Variants in TENM4 observed in about 807,000 individuals in gnomAD.
TENM4 encodes the protein teneurin-4.
TENM4 carries 82 observed loss-of-function variants against 243.3 expected under a neutral mutation model. That is an observed-to-expected ratio of 0.34 (90% CI 0.28 to 0.40). TENM4 has a LOEUF of 0.40. Among genes scored for constraint, TENM4 ranks in the 10% least tolerant of loss-of-function variants. TENM4 has a pLI of 1.00. For missense variants in TENM4, 3,138 were observed against 3,673.3 expected (o/e 0.85, Z 3.77); for synonymous variants, 1,412 against 1,456.3 (o/e 0.97, Z 0.69).
chr11:79,154,296 G>T (rs561874009), intron 3 of TENM4, among the ~76,000 whole-genome samples: 2 of 152,182 alleles, frequency 1.3e-5, no homozygotes, highest in Admixed American at 6.5e-5. Context: ...GAGTGAGAGA[G>T]AGAGAGGAGG....
At chr11:78,786,046 C>T (rs181041743) in intron 16 of TENM4, among the ~76,000 whole-genome samples, 10 of 152,256 alleles carry the variant, frequency 6.6e-5, no homozygotes, top group Admixed American at 3.3e-4. Context: ...ATACACAAAC[C>T]GGTTGATTCA....
intron 32 of TENM4, among the ~76,000 whole-genome samples, chr11:78,665,738 T>A (rs1162877665): frequency 1.3e-5 from 2 of 152,254 alleles, no homozygotes; most frequent in Admixed American, 1.3e-4. Context: ...CCTTTGTAAA[T>A]GGGGTCAGTG....
chr11:79,057,747 A>G (rs1859977870), intron 6 of TENM4, among the ~76,000 whole-genome samples: 1 of 152,180 alleles, frequency 6.6e-6, no homozygotes, highest in African/African-American at 2.4e-5. Context: ...GTGGAATGAC[A>G]GACAATCCAG....
chr11:79,096,165 G>A (rs187577455), intron 4 of TENM4: 11 of 152,282 alleles, frequency 7.2e-5, no homozygotes, highest in African/African-American at 2.2e-4. Flanking sequence ...CTGCAAAATG[G>A]GGGTACTGTC....
chr11:78,983,660 G>A (rs1857853736), intron 6 of TENM4, among the ~76,000 whole-genome samples: 2 of 152,214 alleles, frequency 1.3e-5, no homozygotes, highest in Non-Finnish European at 2.9e-5. Context: ...CTGGCAGTGG[G>A]GACACGCTGC....
chr11:79,139,070 T>G lies in TENM4; in HGVS notation c.-66+9640A>C, dbSNP rs1184638598. Among the ~76,000 whole-genome samples the G allele has an allele frequency of 8.6e-4, 19 of 22,126 alleles. 1 individual carries two copies. The highest frequency in any genetic ancestry group is 5.0e-3 in the African/African-American group (12 of 2,400). 14.5% of individuals were successfully genotyped at this position (22,126 alleles called of 152,430 possible). Reference sequence around the variant, plus strand: ...ATATAAAATATATATTATATTTCTATAAATATATATTATATTTCTATAAAT... The same window carrying G: ...ATATAAAATATATATTATATTTCTAGAAATATATATTATATTTCTATAAAT... On this transcript the variant is annotated intron_variant, in intron 4 of 33. Coordinates refer to ENST00000278550, the MANE Select transcript of TENM4 (RefSeq NM_001098816.3).
chr11:78,980,640 T>C (rs892643844), intron 6 of TENM4, among the ~76,000 whole-genome samples: 1 of 152,204 alleles, frequency 6.6e-6, no homozygotes, highest in Non-Finnish European at 1.5e-5. Context: ...GAACATGAAC[T>C]CATGTCTGAG....
At chr11:78,917,512 G>A (rs680104) in intron 6 of TENM4, among the ~76,000 whole-genome samples, 145 of 151,622 alleles carry the variant, frequency 9.6e-4, no homozygotes, top group African/African-American at 3.3e-3. Context: ...TTTTTATATC[G>A]GCTCAGGAGA....
chr11:79,304,591 T>C (rs1339083286), intron 1 of TENM4, among the ~76,000 whole-genome samples: 6 of 152,326 alleles, frequency 3.9e-5, no homozygotes, highest in East Asian at 1.9e-4. Flanking sequence ...CTCCCTCTTG[T>C]TTAGGTATCA....
At chr11:79,406,219 A>C (rs1858569714) in intron 1 of TENM4, among the ~76,000 whole-genome samples, 1 of 152,192 alleles carries the variant, frequency 6.6e-6, no homozygotes, top group Admixed American at 6.5e-5. Flanking sequence ...CCCCCAGCCT[A>C]TCTGCTCTAT....
intron 6 of TENM4, among the ~76,000 whole-genome samples, chr11:78,936,716 C>T (rs545535136): frequency 6.6e-6 from 1 of 152,250 alleles, no homozygotes; most frequent in Non-Finnish European, 1.5e-5. Context: ...GCAGATGTGA[C>T]AAGATCAGAG....
chr11:78,760,908 C>T (rs1201227097), intron 18 of TENM4, among the ~76,000 whole-genome samples: 1 of 152,128 alleles, frequency 6.6e-6, no homozygotes, highest in Non-Finnish European at 1.5e-5. Flanking sequence ...ATTTGTTCTT[C>T]GGGTCATAAA....
intron 6 of TENM4, among the ~76,000 whole-genome samples, chr11:79,054,445 G>A (rs1275366125): frequency 6.6e-6 from 1 of 152,002 alleles, no homozygotes; most frequent in Non-Finnish European, 1.5e-5. Flanking sequence ...TGAGCTAAGG[G>A]GTCCTTGAAG....
intron 6 of TENM4, among the ~76,000 whole-genome samples, chr11:79,024,980 C>T (rs1207293280): frequency 1.3e-5 from 2 of 152,152 alleles, no homozygotes; most frequent in South Asian, 2.1e-4. Flanking sequence ...TTAGGATATG[C>T]CTCTCTTGAA....
rs781273091 is a variant in TENM4 at position 78,732,288 on chromosome 11, G to C, written c.3138+28C>G. ...ACCCCCAAAATGAAATAAAAGCATGGTGGAATGCAATTAGGAAAGCTGGGT... is the reference window on the plus strand; with the variant it reads ...ACCCCCAAAATGAAATAAAAGCATGCTGGAATGCAATTAGGAAAGCTGGGT... On this transcript the variant is annotated intron_variant, in intron 21 of 33. Transcript: ENST00000278550. 7 of 1,570,524 alleles carry C rather than the reference G, an allele frequency of 4.5e-6. No individual in the cohort carries two copies. In the South Asian group the frequency reaches 7.1e-5, roughly 16 times the overall value.
intron 1 of TENM4, among the ~76,000 whole-genome samples, chr11:79,409,103 C>T (rs12224701): frequency 0.15 from 8,196 of 54,624 alleles, 275 homozygotes; most frequent in African/African-American, 0.24. Context: ...TGTGTGTGTG[C>T]GCGCGCGCGC....
intron 6 of TENM4, among the ~76,000 whole-genome samples, chr11:79,052,111 G>T (rs1388418189): frequency 1.3e-5 from 2 of 152,206 alleles, no homozygotes; most frequent in Admixed American, 6.5e-5. Context: ...ATAACAGAGT[G>T]ATTTATATTC....
intron 2 of TENM4, among the ~76,000 whole-genome samples, chr11:79,244,012 C>T (rs1355875938): frequency 6.6e-6 from 1 of 152,180 alleles, no homozygotes; most frequent in African/African-American, 2.4e-5. Flanking sequence ...GATGCTGATG[C>T]TCCCGGTCCC....
At chr11:78,842,984 G>A (rs1159858508) in intron 12 of TENM4, among the ~76,000 whole-genome samples, 1 of 151,796 alleles carries the variant, frequency 6.6e-6, no homozygotes, top group African/African-American at 2.4e-5. Context: ...AACCAGTCGG[G>A]GTAACATAGA....
Sources: allele counts gnomAD v4.1 joint callset (sites outside exome capture counted in the v4.1 genomes callset), GRCh38; gene constraint gnomAD v4.1.1; transcripts MANE v1.5; gene names NCBI Gene and HGNC (gene_info 2026-07-23, HGNC 2026-07-21).